The following SLC14A2 variants were observed in gnomAD, a reference collection of about 807,000 sequenced individuals.
The protein encoded by SLC14A2 is solute carrier family 14 member 2.
Under a neutral mutation model 104.6 loss-of-function variants are expected in SLC14A2, and 91 were observed. That is an observed-to-expected ratio of 0.87 (90% CI 0.73 to 1.04). SLC14A2 has a LOEUF of 1.04. Among genes scored for constraint, SLC14A2 ranks in the 50% least tolerant of loss-of-function variants. The pLI is 0.00. For synonymous variants in SLC14A2, 476 were observed against 466.4 expected (o/e 1.02, Z -0.27); for missense variants, 1,189 against 1,156.0 (o/e 1.03, Z -0.41).
At chr18:45,368,495 G>A (rs1391952000) in intron 1 of SLC14A2, among the ~76,000 whole-genome samples, 1 of 152,176 alleles carries the variant, frequency 6.6e-6, no homozygotes, top group Non-Finnish European at 1.5e-5. Flanking sequence ...TCCATGGCAA[G>A]ATTTAAGGAA....
chr18:45,514,909 C>T (rs2043415985), intron 2 of SLC14A2, among the ~76,000 whole-genome samples: 3 of 152,194 alleles, frequency 2.0e-5, no homozygotes, highest in Admixed American at 6.5e-5. Context: ...TTCTACCTAT[C>T]ATGGCTATAT....
At chr18:45,523,739 C>A (rs548785802) in intron 2 of SLC14A2, among the ~76,000 whole-genome samples, 59 of 152,152 alleles carry the variant, frequency 3.9e-4, no homozygotes, top group African/African-American at 1.3e-3. Flanking sequence ...CCTGCCTTTG[C>A]TCTGACACAG....
In SLC14A2 at chr18:45,498,152, A is replaced by G. The variant is rs537710732; in HGVS notation, c.-35+14830A>G. 3.9e-5 allele frequency among the ~76,000 whole-genome samples: 6 copies of G among 152,366 alleles called. No homozygotes were observed. The South Asian group carries it at 1.2e-3, about 32-fold the overall frequency. ...AAATAGAAAGTGACAAATATAATCTATTTCATAACTATAATGCAATATATC... is the reference window on the plus strand; with the variant it reads ...AAATAGAAAGTGACAAATATAATCTGTTTCATAACTATAATGCAATATATC... On this transcript the variant is annotated intron_variant, in intron 2 of 20. Coordinates refer to the SLC14A2 transcript ENST00000586448.
chr18:45,570,200 A>T (rs2144333309), intron 2 of SLC14A2, among the ~76,000 whole-genome samples: 1 of 152,266 alleles, frequency 6.6e-6, no homozygotes, highest in East Asian at 1.9e-4. Flanking sequence ...TTTTAGCTCC[A>T]TCCCTAATTT....
At chr18:45,289,335 C>T (rs1489140316) in intron 1 of SLC14A2, among the ~76,000 whole-genome samples, 1 of 152,118 alleles carries the variant, frequency 6.6e-6, no homozygotes, top group Non-Finnish European at 1.5e-5. Context: ...GGAGAGCTGG[C>T]ACCTTACCCT....
At chr18:45,390,347 A>G (rs1273257451) in intron 1 of SLC14A2, among the ~76,000 whole-genome samples, 2 of 152,134 alleles carry the variant, frequency 1.3e-5, no homozygotes, top group Non-Finnish European at 2.9e-5. Context: ...CAGTGCTTGT[A>G]GGGCTCCAAG....
At chr18:45,249,543 T>G (rs2084401325) in intron 1 of SLC14A2, among the ~76,000 whole-genome samples, 1 of 152,218 alleles carries the variant, frequency 6.6e-6, no homozygotes, top group African/African-American at 2.4e-5. Context: ...GTGTGGTCTT[T>G]TAAGAAACAT....
intron 2 of SLC14A2, among the ~76,000 whole-genome samples, chr18:45,577,357 A>G (rs976573967): frequency 1.1e-4 from 16 of 152,152 alleles, no homozygotes; most frequent in African/African-American, 3.9e-4. Flanking sequence ...CTTCAAAGTC[A>G]TACAGTATCA....
chr18:45,678,953 TC>T (rs2046270073), intron 18 of SLC14A2, 21 bp from the exon 19 acceptor site: 2 of 1,496,620 alleles, frequency 1.3e-6, no homozygotes, highest in Non-Finnish European at 9.0e-7. Flanking sequence ...TCTATTTCTT[TC>T]TTTTTTTTTT....
chr18:45,191,203 C>T, the SLC14A2 span, among the ~76,000 whole-genome samples: 5 of 152,158 alleles, frequency 3.3e-5, no homozygotes, highest in Non-Finnish European at 7.3e-5. Context: ...AAGGCAGAGG[C>T]TGTGCCCTGT....
rs532468110 is a variant in SLC14A2 at position 45,321,068 on chromosome 18, G to A, written c.-125+107877G>A. 2.0e-5 allele frequency among the ~76,000 whole-genome samples: 3 copies of A among 152,322 alleles called. No individual in the cohort carries two copies. In the South Asian group the frequency reaches 6.2e-4, roughly 32 times the overall value. On this transcript the variant is annotated intron_variant, in intron 1 of 20. Coordinates refer to the SLC14A2 transcript ENST00000586448. ...CCACATTCTGGGCCTGTTTTCTTGT[G>A]TTTACACAGGAGAACTGGTTGGGAG... is the stretch of plus-strand genomic sequence containing the variant.
intron 2 of SLC14A2, among the ~76,000 whole-genome samples, chr18:45,592,509 C>T (rs1015538601): frequency 1.3e-5 from 2 of 152,200 alleles, no homozygotes; most frequent in African/African-American, 4.8e-5. Flanking sequence ...CAGGAAAGTT[C>T]GTTTCCCATA....
At chr18:45,616,780 T>C (rs769051856) in intron 1 of SLC14A2, among the ~76,000 whole-genome samples, 24 of 152,094 alleles carry the variant, frequency 1.6e-4, no homozygotes, top group Non-Finnish European at 2.6e-4. Flanking sequence ...ATGTGGAACA[T>C]TGAAGGGTCA....
intron 10 of SLC14A2, among the ~76,000 whole-genome samples, chr18:45,662,136 C>T (rs1330739347): frequency 6.6e-6 from 1 of 152,140 alleles, no homozygotes; most frequent in African/African-American, 2.4e-5. Context: ...AACCCTGTCT[C>T]TACCAAAAAT....
At chr18:45,324,399 A>G (rs1318271887) in intron 1 of SLC14A2, among the ~76,000 whole-genome samples, 2 of 152,138 alleles carry the variant, frequency 1.3e-5, no homozygotes, top group African/African-American at 4.8e-5. Context: ...TCACATCTCT[A>G]AGTCCTTTTT....
the SLC14A2 span, among the ~76,000 whole-genome samples, chr18:45,200,080 C>G: frequency 6.6e-6 from 1 of 152,098 alleles, no homozygotes; most frequent in East Asian, 1.9e-4. Flanking sequence ...TTTGGGGATC[C>G]TTGAATTTTT....
intron 1 of SLC14A2, among the ~76,000 whole-genome samples, chr18:45,378,950 G>T (rs368497023): frequency 6.6e-6 from 1 of 152,116 alleles, no homozygotes; most frequent in East Asian, 1.9e-4. Context: ...ATGGTGAAAA[G>T]ATACCTGACG....
At chr18:45,622,496 C>A (rs2045189158) in intron 1 of SLC14A2, among the ~76,000 whole-genome samples, 1 of 152,124 alleles carries the variant, frequency 6.6e-6, no homozygotes, top group South Asian at 2.1e-4. Flanking sequence ...TAATCCACTG[C>A]TCAAAACTGG....
At chr18:45,338,681 A>C (rs1350903) in intron 1 of SLC14A2, among the ~76,000 whole-genome samples, 1 of 126,638 alleles carries the variant, frequency 7.9e-6, no homozygotes, top group Non-Finnish European at 1.6e-5. Context: ...ACACTGGCTC[A>C]CAAAAAAAAA....
Sources: gnomAD v4.1 joint callset for allele counts (sites outside exome capture counted in the v4.1 genomes callset) on GRCh38, gnomAD v4.1.1 for gene constraint, MANE v1.5 for transcripts, NCBI Gene and HGNC (gene_info 2026-07-23, HGNC 2026-07-21) for gene names.